Variants in NIPAL2 observed in about 807,000 individuals in gnomAD.
The protein encoded by NIPAL2 is NIPA like domain containing 2, also known as NIPA-like protein 2.
In NIPAL2, 43 loss-of-function variants were observed where a neutral mutation model predicts 48.9. That is an observed-to-expected ratio of 0.88 (90% CI 0.69 to 1.13). NIPAL2 has a LOEUF of 1.13. Ranked by LOEUF, NIPAL2 falls within the 50% of genes most tolerant of loss-of-function variation. The pLI is 0.00. For synonymous variants in NIPAL2, 167 were observed against 174.6 expected (o/e 0.96, Z 0.34); for missense variants, 446 against 461.4 (o/e 0.97, Z 0.31).
intron 1 of NIPAL2, among the ~76,000 whole-genome samples, chr8:98,278,362 T>C (rs1477045052): frequency 6.6e-6 from 1 of 152,148 alleles, no homozygotes; most frequent in Non-Finnish European, 1.5e-5. Context: ...CTCTCCACCA[T>C]TATCCCTTTA....
In NIPAL2 at chr8:98,190,196, T is replaced by C. The variant is rs1810246674; in HGVS notation, c.*2782A>G. 6.6e-6 allele frequency: 1 copy of C among 152,160 alleles called. No homozygotes were observed. Among genetic ancestry groups the C allele is most frequent in the Non-Finnish European group, 1.5e-5 (1 of 68,066 alleles). 9.4% of individuals were successfully genotyped at this position (152,160 alleles called of 1,614,324 possible). On this transcript the variant is annotated 3_prime_UTR_variant, in exon 11 of 11. Coordinates refer to ENST00000430223, the MANE Select transcript of NIPAL2 (RefSeq NM_001321635.2). ...TATCTCATTTGTCATGAGCCATGAGTGTCACTTTTTAAACTCCTTCCCTGA... is the reference window on the plus strand; with the variant it reads ...TATCTCATTTGTCATGAGCCATGAGCGTCACTTTTTAAACTCCTTCCCTGA...
intron 7 of NIPAL2, among the ~76,000 whole-genome samples, chr8:98,204,256 C>T (rs1336988079): frequency 6.6e-6 from 1 of 152,180 alleles, no homozygotes; most frequent in Admixed American, 6.5e-5. Flanking sequence ...AAACCAGTGA[C>T]AAAACATTGG....
chr8:98,279,008 T>A (rs1320656489), intron 1 of NIPAL2, among the ~76,000 whole-genome samples: 2 of 152,198 alleles, frequency 1.3e-5, no homozygotes, highest in Non-Finnish European at 2.9e-5. Context: ...CATATTGGTA[T>A]AAAGCAGCTG....
intron 1 of NIPAL2, among the ~76,000 whole-genome samples, chr8:98,278,622 T>G (rs989616755): frequency 1.3e-5 from 2 of 152,184 alleles, no homozygotes; most frequent in Admixed American, 1.3e-4. Context: ...CAATTAATTT[T>G]TACAAGGCCA....
intron 6 of NIPAL2, among the ~76,000 whole-genome samples, chr8:98,207,477 T>C (rs57870334): frequency 0.047 from 7,164 of 152,182 alleles, 586 homozygotes; most frequent in African/African-American, 0.16. Flanking sequence ...TCTAACATTA[T>C]ACTTAAAAAT....
At chr8:98,222,824 C>A (rs550120481) in intron 4 of NIPAL2, among the ~76,000 whole-genome samples, 2 of 152,320 alleles carry the variant, frequency 1.3e-5, no homozygotes, top group South Asian at 2.1e-4. Flanking sequence ...GACATAACTT[C>A]CAATTTTTCT....
At chr8:98,257,753 C>T (rs1199578202) in intron 1 of NIPAL2, among the ~76,000 whole-genome samples, 1 of 152,142 alleles carries the variant, frequency 6.6e-6, no homozygotes, top group Non-Finnish European at 1.5e-5. Context: ...CATAATAGAA[C>T]CATGGTCTCC....
chr8:98,256,210 G>T (rs962293042), intron 1 of NIPAL2, among the ~76,000 whole-genome samples: 14 of 152,002 alleles, frequency 9.2e-5, no homozygotes, highest in African/African-American at 3.4e-4. Flanking sequence ...TTTTAGTAGA[G>T]ACGGCATTTC....
chr8:98,253,481 G>A (rs1813704872), intron 2 of NIPAL2, among the ~76,000 whole-genome samples: 1 of 152,014 alleles, frequency 6.6e-6, no homozygotes, highest in South Asian at 2.1e-4. Context: ...ATTTCATTCA[G>A]TTTGCAGTTT....
chr8:98,219,275 T>C (rs1811728367), intron 5 of NIPAL2, among the ~76,000 whole-genome samples: 2 of 152,154 alleles, frequency 1.3e-5, no homozygotes, highest in Admixed American at 6.5e-5. Flanking sequence ...GAGGTAGATC[T>C]GGATTAGGAA....
In NIPAL2 at chr8:98,239,378, A is replaced by G. The variant is rs1812872752; in HGVS notation, c.377-3164T>C. On this transcript the variant is annotated intron_variant, in intron 3 of 10. Transcript: ENST00000430223. ...CCCCATTGGCTCCCTTGAAGTAAGAAAACACATCATTTTACTTTTCTTGTT... is the reference window on the plus strand; with the variant it reads ...CCCCATTGGCTCCCTTGAAGTAAGAGAACACATCATTTTACTTTTCTTGTT... 2.6e-5 allele frequency among the ~76,000 whole-genome samples: 4 copies of G among 152,216 alleles called. No homozygotes were observed. In the South Asian group the frequency reaches 8.3e-4, roughly 32 times the overall value.
intron 1 of NIPAL2, among the ~76,000 whole-genome samples, chr8:98,266,639 A>G (rs1400026308): frequency 2.6e-5 from 4 of 152,060 alleles, no homozygotes; most frequent in Admixed American, 6.5e-5. Flanking sequence ...AAGAGAATAA[A>G]TGGACCTCAA....
intron 1 of NIPAL2, among the ~76,000 whole-genome samples, chr8:98,279,912 G>T (rs546470523): frequency 6.6e-6 from 1 of 152,268 alleles, no homozygotes; most frequent in South Asian, 2.1e-4. Flanking sequence ...GGATGTCTTG[G>T]CAAATACGTG....
At position 98,237,576 on chromosome 8, in the gene NIPAL2, C is replaced by T. The variant is rs142392720; in HGVS notation, c.377-1362G>A. The stretch of plus-strand genomic sequence containing the variant: ...ACCCCTAAGTGGCTGGTCTACAGGA[C>T]AAAGGCCACACTACCAAGCAGAACA... On this transcript the variant is annotated intron_variant, in intron 3 of 10. Coordinates refer to ENST00000430223, the MANE Select transcript of NIPAL2 (RefSeq NM_001321635.2). 1.4e-4 allele frequency among the ~76,000 whole-genome samples: 21 copies of T among 152,230 alleles called. 1 individual carries two copies. The East Asian group carries it at 3.9e-3, about 28-fold the overall frequency.
chr8:98,216,846 A>G (rs975010778), intron 5 of NIPAL2, among the ~76,000 whole-genome samples: 10 of 152,264 alleles, frequency 6.6e-5, no homozygotes, highest in African/African-American at 2.2e-4. Context: ...TGGTTTTTGC[A>G]GAACACGTTT....
chr8:98,233,215 G>A (rs6982321), intron 4 of NIPAL2, among the ~76,000 whole-genome samples: 5,582 of 151,712 alleles, frequency 0.037, 365 homozygotes, highest in African/African-American at 0.13. Flanking sequence ...CTGAGATCAC[G>A]CTACTACACT....
intron 1 of NIPAL2, among the ~76,000 whole-genome samples, chr8:98,262,286 T>C (rs925030728): frequency 5.3e-5 from 8 of 151,890 alleles, no homozygotes; most frequent in African/African-American, 1.9e-4. Context: ...CAGTATTAAC[T>C]TTAAATGTAA....
chr8:98,229,685 A>G (rs955255976), intron 4 of NIPAL2, among the ~76,000 whole-genome samples: 1 of 152,166 alleles, frequency 6.6e-6, no homozygotes, highest in South Asian at 2.1e-4. Context: ...GCCAGTAATA[A>G]TTTTTTTTAG....
At chr8:98,243,112 C>T (rs192366508) in intron 3 of NIPAL2, among the ~76,000 whole-genome samples, 2 of 152,230 alleles carry the variant, frequency 1.3e-5, no homozygotes, top group East Asian at 3.9e-4. Flanking sequence ...CAAAATGGTA[C>T]CTCCATGGAG....
Sources: gnomAD v4.1 joint callset for allele counts (sites outside exome capture counted in the v4.1 genomes callset) on GRCh38, gnomAD v4.1.1 for gene constraint, MANE v1.5 for transcripts, NCBI Gene and HGNC (gene_info 2026-07-23, HGNC 2026-07-21) for gene names.